The following PTPRM variants were observed in gnomAD, a reference collection of about 807,000 sequenced individuals.
The protein encoded by PTPRM is protein tyrosine phosphatase receptor type M.
In PTPRM, 47 loss-of-function variants were observed where a neutral mutation model predicts 186.7. The ratio of observed to expected loss-of-function variants is 0.25; its 90% CI spans 0.20 to 0.32. The LOEUF (loss-of-function observed/expected upper bound fraction) is 0.32. PTPRM is among the 10% of genes least tolerant of loss of function. The pLI, the probability that PTPRM is intolerant of heterozygous loss-of-function variation, is 1.00. For synonymous variants in PTPRM, 668 were observed against 674.9 expected (o/e 0.99, Z 0.16); for missense variants, 1,494 against 1,865.0 (o/e 0.80, Z 3.66).
At chr18:7,862,467 T>C (rs1025846082) in intron 2 of PTPRM, among the ~76,000 whole-genome samples, 2 of 152,206 alleles carry the variant, frequency 1.3e-5, no homozygotes, top group African/African-American at 2.4e-5. Flanking sequence ...TAGAAGGTAT[T>C]GAAAATTAAG....
At chr18:7,827,512 T>G (rs1450344415) in intron 2 of PTPRM, among the ~76,000 whole-genome samples, 1 of 152,238 alleles carries the variant, frequency 6.6e-6, no homozygotes, top group African/African-American at 2.4e-5. Flanking sequence ...GGTTAAGGAC[T>G]TAGGGCTTAT....
At chr18:8,313,762 T>A (rs539144753) in intron 20 of PTPRM, among the ~76,000 whole-genome samples, 35 of 152,098 alleles carry the variant, frequency 2.3e-4, no homozygotes, top group African/African-American at 8.4e-4. Flanking sequence ...TTCCCCTGAG[T>A]CCTCAAAGTC....
chr18:8,334,309 G>A (rs2095427185), intron 22 of PTPRM, among the ~76,000 whole-genome samples: 1 of 152,174 alleles, frequency 6.6e-6, no homozygotes, highest in African/African-American at 2.4e-5. Flanking sequence ...TACAGCCCCA[G>A]TCCTCCCTGG....
At chr18:7,891,575 G>A (rs954908845) in intron 3 of PTPRM, among the ~76,000 whole-genome samples, 1 of 152,112 alleles carries the variant, frequency 6.6e-6, no homozygotes, top group African/African-American at 2.4e-5. Context: ...GGGTTAAAAA[G>A]CAAGTGGGTG....
chr18:7,643,429 G>A (rs1324746739), intron 1 of PTPRM, among the ~76,000 whole-genome samples: 2 of 151,876 alleles, frequency 1.3e-5, no homozygotes, highest in Admixed American at 6.6e-5. Flanking sequence ...AAGCTCCCCC[G>A]CCCAGGTTCA....
chr18:7,746,734 G>A (rs1568071321), intron 1 of PTPRM, among the ~76,000 whole-genome samples: 1 of 152,142 alleles, frequency 6.6e-6, no homozygotes, highest in Non-Finnish European at 1.5e-5. Flanking sequence ...CTAAAGTGCT[G>A]GGATTACAGG....
chr18:7,996,990 GCAATCCCTAA>G (rs1448298576), intron 7 of PTPRM, among the ~76,000 whole-genome samples: 18 of 152,054 alleles, frequency 1.2e-4, no homozygotes, highest in African/African-American at 4.3e-4. Context: ...TAGATTCATT[GCAATCCCTAA>G]CAAAATACAA....
At chr18:8,179,471 T>TC (rs2093540869) in intron 14 of PTPRM, among the ~76,000 whole-genome samples, 1 of 151,644 alleles carries the variant, frequency 6.6e-6, no homozygotes. Flanking sequence ...TTTTTTTTTT[T>TC]CTTTTCTTTT....
intron 10 of PTPRM, 102 bp from the exon 11 acceptor site, chr18:8,088,647 A>G (rs1291128126): frequency 1.1e-6 from 1 of 922,184 alleles, no homozygotes; most frequent in Admixed American, 1.8e-5. Flanking sequence ...ATGTAAAGTA[A>G]ATGCACTGTG....
At chr18:8,193,956 T>A (rs1332037830) in intron 14 of PTPRM, among the ~76,000 whole-genome samples, 1 of 152,226 alleles carries the variant, frequency 6.6e-6, no homozygotes, top group Admixed American at 6.5e-5. Flanking sequence ...CCAGACCATA[T>A]TAATCTGACA....
intron 14 of PTPRM, among the ~76,000 whole-genome samples, chr18:8,144,708 A>C (rs2146136846): frequency 6.6e-6 from 1 of 152,326 alleles, no homozygotes; most frequent in African/African-American, 2.4e-5. Flanking sequence ...CATACTTGAA[A>C]ACTATGCAGT....
chr18:7,908,350 T>G (rs1346860101), intron 4 of PTPRM, among the ~76,000 whole-genome samples: 2 of 152,216 alleles, frequency 1.3e-5, no homozygotes, highest in Admixed American at 1.3e-4. Context: ...GGGTCTTTCC[T>G]GATGACCCTA....
In PTPRM at chr18:7,568,990, C is replaced by T. The variant is rs999534336; in HGVS notation, c.73+1099C>T. On this transcript the variant is annotated intron_variant, in intron 1 of 32. Coordinates refer to ENST00000580170, the MANE Select transcript of PTPRM (RefSeq NM_001105244.2). This position sits in a 1 kb window ranked among gnomAD's most constrained non-coding sequence, Gnocchi z 5.1. ...AGTGGGGGCGGTGGGCTTTCTTTTTCTTTAATAAAAAAGCCTGCTCTTTGG... is the reference window on the plus strand; with the variant it reads ...AGTGGGGGCGGTGGGCTTTCTTTTTTTTTAATAAAAAAGCCTGCTCTTTGG... Among the ~76,000 whole-genome samples the T allele has an allele frequency of 2.0e-5, 3 of 152,048 alleles. No individual in the cohort carries two copies. Among genetic ancestry groups the T allele is most frequent in the African/African-American group, 7.2e-5 (3 of 41,406 alleles).
chr18:7,754,039 C>G (rs1195465360), intron 1 of PTPRM, among the ~76,000 whole-genome samples: 7 of 152,000 alleles, frequency 4.6e-5, no homozygotes, highest in African/African-American at 9.7e-5. Flanking sequence ...TGCAGTATTC[C>G]TTTTTATTGT....
At chr18:7,821,547 A>G (rs957104701) in intron 2 of PTPRM, among the ~76,000 whole-genome samples, 3 of 152,288 alleles carry the variant, frequency 2.0e-5, no homozygotes, top group East Asian at 3.9e-4. Flanking sequence ...ACCGAATCCT[A>G]TATATACTAT....
At chr18:8,118,968 G>C (rs1000072081) in intron 13 of PTPRM, among the ~76,000 whole-genome samples, 2 of 151,552 alleles carry the variant, frequency 1.3e-5, no homozygotes, top group African/African-American at 4.8e-5. Flanking sequence ...GGTCTAGCTA[G>C]AAGTCAAAGC....
In PTPRM at chr18:8,180,830, A is replaced by G. The variant is rs1445642056; in HGVS notation, c.2300+37051A>G. On this transcript the variant is annotated intron_variant, in intron 14 of 32. Transcript: ENST00000580170. ...CACCAGTTTCAGGTTTTTTCTGTCTACTGGGAGACTGCCATTCCCATGTGC... is the reference window on the plus strand; with the variant it reads ...CACCAGTTTCAGGTTTTTTCTGTCTGCTGGGAGACTGCCATTCCCATGTGC... Among the ~76,000 whole-genome samples the G allele has an allele frequency of 3.9e-5, 6 of 152,312 alleles. No individual in the cohort carries two copies. In the South Asian group the frequency reaches 1.0e-3, roughly 26 times the overall value.
At chr18:8,091,713 G>C (rs1349549431) in intron 11 of PTPRM, among the ~76,000 whole-genome samples, 1 of 151,488 alleles carries the variant, frequency 6.6e-6, no homozygotes, top group Non-Finnish European at 1.5e-5. Context: ...AGACTAGGTT[G>C]GGGAAAAAAA....
intron 14 of PTPRM, among the ~76,000 whole-genome samples, chr18:8,199,485 G>A (rs967955968): frequency 6.6e-5 from 10 of 152,146 alleles, no homozygotes; most frequent in African/African-American, 2.4e-4. Flanking sequence ...ATATTAGTAG[G>A]AGACACCTAA....
Sources: allele counts gnomAD v4.1 joint callset (sites outside exome capture counted in the v4.1 genomes callset), GRCh38; gene constraint gnomAD v4.1.1; non-coding constraint Gnocchi (gnomAD v3.1); transcripts MANE v1.5; gene names NCBI Gene and HGNC (gene_info 2026-07-23, HGNC 2026-07-21).